HSD17B4: variants seen among roughly 807,000 people sequenced by gnomAD.
The protein encoded by HSD17B4 is hydroxysteroid 17-beta dehydrogenase 4, also known as peroxisomal multifunctional enzyme type 2.
Under a neutral mutation model 101.0 loss-of-function variants are expected in HSD17B4, and 70 were observed. The observed-to-expected ratio is 0.69, with a 90% CI of 0.57 to 0.85. The LOEUF (loss-of-function observed/expected upper bound fraction) is 0.85. Ranked by LOEUF, HSD17B4 falls within the 40% of genes least tolerant of loss-of-function variation. The pLI is 0.00. For synonymous variants in HSD17B4, 347 were observed against 297.1 expected (o/e 1.17, Z -1.73); for missense variants, 984 against 892.4 (o/e 1.10, Z -1.31).
At chr5:119,499,277 G>C (rs559874799) in intron 12 of HSD17B4, 40 bp from the exon 13 acceptor site, 3 of 1,393,042 alleles carry the variant, frequency 2.2e-6, no homozygotes, top group South Asian at 2.3e-5. Context: ...GTTTTGAAAA[G>C]TTATCAATGA....
At chr5:119,492,877 G>T (rs1445061004) in intron 10 of HSD17B4, 1 of 151,972 alleles carries the variant, frequency 6.6e-6, no homozygotes, top group Non-Finnish European at 1.5e-5. Context: ...TATTTAGTTG[G>T]CTATGGGTAT....
chr5:119,458,004 T>A (rs1754843072), intron 2 of HSD17B4, among the ~76,000 whole-genome samples: 2 of 152,208 alleles, frequency 1.3e-5, no homozygotes, highest in Admixed American at 6.5e-5. Flanking sequence ...ATTTCCCTGT[T>A]CCCTCTCAAT....
At chr5:119,486,171 G>C (rs893816544) in intron 8 of HSD17B4, among the ~76,000 whole-genome samples, 1 of 152,144 alleles carries the variant, frequency 6.6e-6, no homozygotes, top group Non-Finnish European at 1.5e-5. Flanking sequence ...TTGAAAGAGA[G>C]GGTCACCAAG....
At chr5:119,492,167 A>G (rs776735115) in intron 10 of HSD17B4, 43 bp downstream of exon 10, 22 of 1,458,988 alleles carry the variant, frequency 1.5e-5, no homozygotes, top group Non-Finnish European at 1.8e-5. Flanking sequence ...TTATTTCCTT[A>G]TCTTTAAACC....
chr5:119,500,515 G>A (rs115088238), intron 13 of HSD17B4, among the ~76,000 whole-genome samples: 1,764 of 151,978 alleles, frequency 0.012, 37 homozygotes, highest in African/African-American at 0.041. Flanking sequence ...ATATGTTTGA[G>A]GTGTCTGTTA....
chr5:119,509,684 G>A (rs1751995297), intron 16 of HSD17B4, among the ~76,000 whole-genome samples: 3 of 152,134 alleles, frequency 2.0e-5, no homozygotes, highest in South Asian at 4.1e-4. Context: ...AGGCTTGGTC[G>A]ACTGCTGCAG....
intron 23 of HSD17B4, among the ~76,000 whole-genome samples, chr5:119,536,964 C>CA (rs1158313205): frequency 5.9e-5 from 9 of 152,094 alleles, no homozygotes; most frequent in African/African-American, 2.2e-4. Context: ...TCATGATTAA[C>CA]AGAAGAGTGC....
intron 2 of HSD17B4, 38 bp from the exon 3 acceptor site, chr5:119,473,870 G>C (rs749792953): frequency 1.7e-6 from 2 of 1,178,236 alleles, no homozygotes; most frequent in South Asian, 1.2e-5. Context: ...TGAAAGTCTA[G>C]AATAATTAAT....
intron 17 of HSD17B4, among the ~76,000 whole-genome samples, chr5:119,521,069 C>G (rs1484005266): frequency 6.6e-6 from 1 of 152,204 alleles, no homozygotes; most frequent in Non-Finnish European, 1.5e-5. Context: ...TTGGATGAAG[C>G]TCCTTCTGTG....
chr5:119,541,601 C>G (rs1356262691), intron 23 of HSD17B4, among the ~76,000 whole-genome samples: 2 of 152,078 alleles, frequency 1.3e-5, no homozygotes, highest in African/African-American at 4.8e-5. Flanking sequence ...AATATGGTCT[C>G]AAATTGTAAG....
intron 4 of HSD17B4, among the ~76,000 whole-genome samples, chr5:119,475,051 T>C (rs1344972453): frequency 6.6e-6 from 1 of 152,110 alleles, no homozygotes; most frequent in African/African-American, 2.4e-5. Flanking sequence ...ACATTACTTA[T>C]TCTTAATTGA....
chr5:119,509,774 C>T (rs1270729633), intron 16 of HSD17B4, among the ~76,000 whole-genome samples: 1 of 152,194 alleles, frequency 6.6e-6, no homozygotes, highest in Non-Finnish European at 1.5e-5. Context: ...TGCAGCAAAG[C>T]AGGACTCCTT....
chr5:119,530,469 T>C (rs1753969699), intron 21 of HSD17B4, among the ~76,000 whole-genome samples: 1 of 152,096 alleles, frequency 6.6e-6, no homozygotes, highest in African/African-American at 2.4e-5. Context: ...CTTTGTAATG[T>C]TGAGGTTTCG....
rs181944639 is a variant in HSD17B4 at position 119,468,126 on chromosome 5, A to G, written c.113-5782A>G. 2.1e-3 allele frequency among the ~76,000 whole-genome samples: 321 copies of G among 151,202 alleles called. 5 individuals are homozygous for G. In the South Asian group the frequency reaches 0.049, roughly 23 times the overall value. On this transcript the variant is annotated intron_variant, in intron 2 of 23. Coordinates refer to ENST00000510025, the MANE Select transcript of HSD17B4 (RefSeq NM_000414.4). ...TTCCTTTCTTTGTCTTTTATTGTCT[A>G]TCTCTTCAGTTTGGTGGTTTTTTTG...
At chr5:119,501,621 T>A (rs1250779905) in intron 13 of HSD17B4, among the ~76,000 whole-genome samples, 1 of 152,162 alleles carries the variant, frequency 6.6e-6, no homozygotes, top group African/African-American at 2.4e-5. Flanking sequence ...TTTAGTTGTG[T>A]CGTTTGTATT....
chr5:119,496,573 G>A lies in HSD17B4; in HGVS notation c.899G>A (p.Ser300Asn). Residue 300 changes from serine to asparagine, a missense_variant, in exon 12 of 24, where the codon AGT becomes AAT. Transcript: ENST00000510025. Reference sequence around the variant, plus strand: ...ACTGGCAGTATAATTGAAGTTCTGAGTAAAATAGATTCAGAAGGAGGAGTT... The same window carrying A: ...ACTGGCAGTATAATTGAAGTTCTGAATAAAATAGATTCAGAAGGAGGAGTT... ...ESTGSIIEVL[S>N]KIDSEGGVSA... 1.3e-6 allele frequency: 2 copies of A among 1,593,080 alleles called. No homozygotes were observed. Among genetic ancestry groups the A allele is most frequent in the South Asian group, 2.2e-5 (2 of 90,682 alleles).
chr5:119,528,141 A>G (rs1194264100), intron 20 of HSD17B4, among the ~76,000 whole-genome samples: 1 of 152,122 alleles, frequency 6.6e-6, no homozygotes, highest in Non-Finnish European at 1.5e-5. Flanking sequence ...CTGTATGTAA[A>G]TATAAGAAAA....
At chr5:119,497,846 C>T (rs556951207) in intron 12 of HSD17B4, among the ~76,000 whole-genome samples, 1 of 152,206 alleles carries the variant, frequency 6.6e-6, no homozygotes, top group African/African-American at 2.4e-5. Context: ...ATTTCTGTAT[C>T]TAACTGTATG....
At chr5:119,521,123 T>C (rs1753079407) in intron 17 of HSD17B4, among the ~76,000 whole-genome samples, 1 of 152,232 alleles carries the variant, frequency 6.6e-6, no homozygotes, top group South Asian at 2.1e-4. Flanking sequence ...GTTGCCTTGG[T>C]TTCTATATCT....
Sources: allele counts gnomAD v4.1 joint callset (sites outside exome capture counted in the v4.1 genomes callset), GRCh38; gene constraint gnomAD v4.1.1; transcripts MANE v1.5; gene names NCBI Gene and HGNC (gene_info 2026-07-23, HGNC 2026-07-21).